LPCAT2: variants seen among roughly 807,000 people sequenced by gnomAD.
LPCAT2 encodes the protein lysophosphatidylcholine acyltransferase 2, also known as 1-AGP acyltransferase 11.
Under a neutral mutation model 64.7 loss-of-function variants are expected in LPCAT2, and 58 were observed. The observed-to-expected ratio is 0.90, with a 90% CI of 0.73 to 1.12. LPCAT2 has a LOEUF of 1.12. Among genes scored for constraint, LPCAT2 ranks in the 50% most tolerant of loss-of-function variants. The pLI, the probability that LPCAT2 is intolerant of heterozygous loss-of-function variation, is 0.00. For synonymous variants in LPCAT2, 252 were observed against 245.3 expected, an observed-to-expected ratio of 1.03 and a Z score of -0.26; for missense variants, 579 against 669.8, an observed-to-expected ratio of 0.86 and a Z score of 1.50.
At chr16:55,515,703 T>C (rs8059301) in intron 1 of LPCAT2, among the ~76,000 whole-genome samples, 4,392 of 152,296 alleles carry the variant, frequency 0.029, 115 homozygotes, top group African/African-American at 0.065. Context: ...ATAATTTGTA[T>C]AATAATAATA....
At chr16:55,567,286 C>T (rs1276036298) in intron 11 of LPCAT2, 2 of 1,613,644 alleles carry the variant, frequency 1.2e-6, no homozygotes, top group Non-Finnish European at 1.7e-6. Flanking sequence ...CTGCGGGGAG[C>T]TCTGCAGGCC....
intron 11 of LPCAT2, among the ~76,000 whole-genome samples, chr16:55,573,547 A>G (rs552669177): frequency 6.6e-6 from 1 of 152,330 alleles, no homozygotes; most frequent in African/African-American, 2.4e-5. Context: ...AAATATTATT[A>G]TTAGTCTATC....
chr16:55,579,268 G>A (rs767940930), intron 13 of LPCAT2, 24 bp downstream of exon 13: 1 of 1,607,178 alleles, frequency 6.2e-7, no homozygotes, highest in South Asian at 1.1e-5. Flanking sequence ...CTGGCCTCCT[G>A]ACTTAGTTTA....
intron 11 of LPCAT2, among the ~76,000 whole-genome samples, chr16:55,564,101 C>A (rs1171109117): frequency 6.6e-6 from 1 of 151,702 alleles, no homozygotes; most frequent in East Asian, 1.9e-4. Flanking sequence ...AATTCCATTA[C>A]AATGGCATAG....
chr16:55,529,977 T>C (rs752699929), intron 4 of LPCAT2, 30 bp downstream of exon 4: 2 of 1,493,294 alleles, frequency 1.3e-6, no homozygotes, highest in Non-Finnish European at 1.8e-6. Context: ...AATTTAAATA[T>C]AGTGGGAGTT....
rs1172217743 is a variant in LPCAT2 at position 55,537,531 on chromosome 16, A to G, written c.798-47A>G. The G allele has an allele frequency of 2.2e-6, 3 of 1,387,368 alleles. No individual in the cohort carries two copies. The Admixed American group carries it at 5.4e-5, about 25-fold the overall frequency. The allele number at this position is 1,387,368 out of a possible 1,614,324, so 85.9% of individuals were successfully genotyped here. The stretch of plus-strand genomic sequence containing the variant: ...AATGATTGTTGAATAATATAAGATG[A>G]TACTTGCATGACTGTATAAAGATAG... On this transcript the variant is annotated intron_variant, in intron 7 of 13. Coordinates refer to ENST00000262134, the MANE Select transcript of LPCAT2 (RefSeq NM_017839.5).
intron 11 of LPCAT2, among the ~76,000 whole-genome samples, chr16:55,555,497 T>G (rs1320890680): frequency 6.6e-6 from 1 of 152,236 alleles, no homozygotes; most frequent in Non-Finnish European, 1.5e-5. Context: ...AGTTCCAGTT[T>G]TATATTTACT....
intron 11 of LPCAT2, among the ~76,000 whole-genome samples, chr16:55,559,536 G>A (rs1244497739): frequency 6.6e-6 from 1 of 152,096 alleles, no homozygotes; most frequent in Admixed American, 6.6e-5. Context: ...AGAATGTAGG[G>A]TGCTGTAGTG....
At chr16:55,548,900 C>T in intron 9 of LPCAT2, among the ~76,000 whole-genome samples, 1 of 152,156 alleles carries the variant, frequency 6.6e-6, no homozygotes, top group Non-Finnish European at 1.5e-5. Flanking sequence ...GTATTCACTC[C>T]TATGTACAGA....
At chr16:55,547,960 G>C (rs1963472670) in intron 9 of LPCAT2, among the ~76,000 whole-genome samples, 1 of 152,132 alleles carries the variant, frequency 6.6e-6, no homozygotes, top group Non-Finnish European at 1.5e-5. Flanking sequence ...TAGAGATGGG[G>C]TTTCGCCATG....
At chr16:55,521,453 G>A (rs141717650) in intron 1 of LPCAT2, among the ~76,000 whole-genome samples, 1 of 151,876 alleles carries the variant, frequency 6.6e-6, no homozygotes, top group African/African-American at 2.4e-5. Context: ...GTAGAGAAGT[G>A]TGGAACAGTA....
chr16:55,510,379 C>T (rs1962914177), intron 1 of LPCAT2, among the ~76,000 whole-genome samples: 1 of 123,960 alleles, frequency 8.1e-6, no homozygotes. Context: ...TGGACTTCCT[C>T]TTTGTTGAAG....
chr16:55,584,179 A>C lies in LPCAT2; in HGVS notation c.*1081A>C, dbSNP rs1379289622. The C allele has an allele frequency of 6.6e-6, 1 of 152,206 alleles. No individual in the cohort carries two copies. Among genetic ancestry groups the C allele is most frequent in the Non-Finnish European group, 1.5e-5 (1 of 68,036 alleles). 9.4% of individuals were successfully genotyped at this position (152,206 alleles called of 1,614,324 possible). A position where few individuals can be genotyped will look rare whatever the true frequency, so the allele number is the denominator to read the frequency against. On this transcript the variant is annotated 3_prime_UTR_variant, in exon 14 of 14. Transcript: ENST00000262134. ...GAATTTAATTTGAGTTAGATAGTTC[A>C]GAATGTAGCACTTGCCCTATAAATG...
Position 55,550,935 on chromosome 16 carries a change from CTTTG to C in LPCAT2, c.1062-6_1062-3del, listed in dbSNP as rs550021504. On this transcript the variant is annotated splice_polypyrimidine_tract_variant and intron_variant, in intron 10 of 13. Transcript: ENST00000262134. ...GGGCTAATAACATGTATCTATAATT[CTTTG>C]TTTGTTTAGATTAGATTGGGATGGT... 1.5e-4 allele frequency: 230 copies of C among 1,551,904 alleles called. 2 individuals are homozygous for C. In the African/African-American group the frequency reaches 2.7e-3, roughly 18 times the overall value.
rs1284359191 is a variant in LPCAT2 at position 55,579,238 on chromosome 16, T to G, written c.1444T>G (p.Ser482Ala). 4 of 1,612,470 alleles carry G rather than the reference T, an allele frequency of 2.5e-6. No homozygotes were observed. The East Asian group carries it at 6.7e-5, about 27-fold the overall frequency. ...FKEIAQGDSI[S>A]YEEFKSFALK... Reference sequence around the variant, plus strand: ...GGAAATAGCCCAAGGGGACTCAATTTCCTATGGTGAGTAGGCAATCTGGCC... The same window carrying G: ...GGAAATAGCCCAAGGGGACTCAATTGCCTATGGTGAGTAGGCAATCTGGCC... The change falls in exon 13 of 14, where the codon TCC becomes GCC. Residue 482 changes from serine to alanine, a missense_variant. Physicochemically the swap from Ser to Ala is moderately conservative, Grantham distance 99. Transcript: ENST00000262134.
intron 8 of LPCAT2, chr16:55,538,105 T>C (rs1596863858): frequency 6.4e-6 from 1 of 155,408 alleles, no homozygotes; most frequent in African/African-American, 2.4e-5. Flanking sequence ...AGGCAGCACA[T>C]ATCATCATCC....
At chr16:55,578,305 C>T (rs1464618974) in intron 12 of LPCAT2, among the ~76,000 whole-genome samples, 1 of 152,174 alleles carries the variant, frequency 6.6e-6, no homozygotes, top group Non-Finnish European at 1.5e-5. Context: ...CTCTTCTTTA[C>T]TCCTGGCACC....
At chr16:55,554,815 G>T (rs1340247538) in intron 11 of LPCAT2, among the ~76,000 whole-genome samples, 1 of 152,112 alleles carries the variant, frequency 6.6e-6, no homozygotes, top group East Asian at 1.9e-4. Context: ...ACACTTAGGG[G>T]CCGTTGTAGT....
intron 13 of LPCAT2, among the ~76,000 whole-genome samples, chr16:55,580,620 G>C (rs749909706): frequency 1.3e-5 from 2 of 152,078 alleles, no homozygotes; most frequent in African/African-American, 2.4e-5. Flanking sequence ...TTAAAAAGTA[G>C]ATATTGATAA....
Sources: allele counts gnomAD v4.1 joint callset (sites outside exome capture counted in the v4.1 genomes callset), GRCh38; gene constraint gnomAD v4.1.1; transcripts MANE v1.5; gene names NCBI Gene and HGNC (gene_info 2026-07-23, HGNC 2026-07-21).